The following PRDM13 variants were observed in gnomAD, a reference collection of about 807,000 sequenced individuals.
PRDM13 encodes PR/SET domain 13, also known as PR domain zinc finger protein 13.
A neutral mutation model predicts 36.4 loss-of-function variants in PRDM13; 15 were observed. The ratio of observed to expected loss-of-function variants is 0.41; its 90% CI spans 0.28 to 0.64. PRDM13 has a LOEUF of 0.64. PRDM13 is among the 30% of genes least tolerant of loss of function. PRDM13 has a pLI of 0.29. For missense variants in PRDM13, 1,044 were observed against 1,013.5 expected (o/e 1.03, Z -0.41); for synonymous variants, 531 against 467.7 (o/e 1.14, Z -1.75).
intron 2 of PRDM13, 149 bp downstream of exon 2, chr6:99,609,021 T>C: frequency 7.2e-7 from 1 of 1,395,588 alleles, no homozygotes; most frequent in Non-Finnish European, 9.6e-7. Context: ...AGGTAGTTAC[T>C]ATTGTTTTTC....
intron 3 of PRDM13, among the ~76,000 whole-genome samples, chr6:99,609,999 A>G (rs912727231): frequency 3.9e-5 from 6 of 152,244 alleles, no homozygotes; most frequent in Admixed American, 2.6e-4. Flanking sequence ...TACAAAGTCC[A>G]TGGACATTTC....
intron 3 of PRDM13, among the ~76,000 whole-genome samples, chr6:99,611,383 T>C (rs1383989639): frequency 6.6e-6 from 1 of 152,188 alleles, no homozygotes; most frequent in African/African-American, 2.4e-5. Flanking sequence ...AGAAGGAAGT[T>C]ATTTAAGACA....
chr6:99,611,686 A>G (rs1004230091), intron 3 of PRDM13, among the ~76,000 whole-genome samples: 2 of 152,178 alleles, frequency 1.3e-5, no homozygotes, highest in African/African-American at 4.8e-5. Context: ...TAAAGGGAAG[A>G]AGATCTGGAA....
chr6:99,612,911 A>C, intron 3 of PRDM13, 122 bp from the exon 4 acceptor site: 1 of 1,494,956 alleles, frequency 6.7e-7, no homozygotes, highest in African/African-American at 1.4e-5. Flanking sequence ...CCGAACTTAT[A>C]TTTCACCCTC....
intron 3 of PRDM13, among the ~76,000 whole-genome samples, chr6:99,609,825 C>T (rs1770006414): frequency 6.6e-6 from 1 of 151,964 alleles, no homozygotes; most frequent in South Asian, 2.1e-4. Context: ...GGTCAAGGTT[C>T]CAGTGAGCCG....
intron 2 of PRDM13, 23 bp from the exon 3 acceptor site, chr6:99,609,164 C>G: frequency 6.2e-7 from 1 of 1,612,054 alleles, no homozygotes; most frequent in Non-Finnish European, 8.5e-7. Context: ...TGACATTGAA[C>G]TGTTCTATTC....
Position 99,613,841 on chromosome 6 carries a change from C to G in PRDM13, c.1206C>G (p.Phe402Leu). Residue 402 changes from phenylalanine to leucine, a missense_variant, in exon 4 of 4, where the codon TTC (phenylalanine) becomes TTG (leucine). By Grantham distance (22) the Phe-to-Leu change is conservative. This residue lies in a region of PRDM13 where 921 missense variants were observed against 865.2 expected (regional missense o/e 1.06). Coordinates refer to ENST00000369215, the MANE Select transcript of PRDM13 (RefSeq NM_021620.4). This position sits in a 1 kb window ranked among gnomAD's most constrained non-coding sequence, Gnocchi z 6.1. ...TCCCCCCGGAAGAGGCGTCCGCCTTCAAGCACGTGGAGCGCGCCCCGCCCG... is the reference window on the plus strand; with the variant it reads ...TCCCCCCGGAAGAGGCGTCCGCCTTGAAGCACGTGGAGCGCGCCCCGCCCG... ...LSVPPEEASAFKHVERAPPAA... is the reference protein window; with the variant it reads ...LSVPPEEASALKHVERAPPAA... 1 of 1,511,620 alleles carries G rather than the reference C, an allele frequency of 6.6e-7. No individual in the cohort carries two copies. The highest frequency in any genetic ancestry group is 1.9e-4 in the Middle Eastern group (1 of 5,172). The allele number at this position is 1,511,620 out of a possible 1,614,324, so 93.6% of individuals were successfully genotyped here.
chr6:99,613,298 C>A lies in PRDM13; in HGVS notation c.663C>A (p.Cys221Ter). Residue 221 changes from cysteine (C) to a stop codon, truncating the protein, a stop_gained, in exon 4 of 4, where the codon TGC (cysteine) becomes TGA (stop). Transcript: ENST00000369215. LOFTEE classifies it low-confidence loss of function (END_TRUNC). This position sits in a 1 kb window ranked among gnomAD's most constrained non-coding sequence, Gnocchi z 6.1. ...HPLGPPPVQA[C>*]GAREGIKREA... is the part of the protein sequence containing the mutation. ...TGGGCCCGCCACCAGTTCAGGCCTGCGGTGCGCGGGAGGGCATCAAGCGCG... is the reference window on the plus strand; with the variant it reads ...TGGGCCCGCCACCAGTTCAGGCCTGAGGTGCGCGGGAGGGCATCAAGCGCG... The A allele has an allele frequency of 6.3e-7, 1 of 1,576,780 alleles. No homozygotes were observed. Among genetic ancestry groups the A allele is most frequent in the Non-Finnish European group, 8.6e-7 (1 of 1,163,510 alleles).
rs1770058753 is a variant in PRDM13, at chr6:99,613,247, G to A, written c.612G>A (p.Gln204=). The change falls in exon 4 of 4, where the codon CAG becomes CAA. Residue 204 remains glutamine, a synonymous_variant. Transcript: ENST00000369215. The surrounding 1 kb of genome is among the most constrained non-coding windows in gnomAD (Gnocchi z 6.1). ...CGCCCGATTTCGCCGCGCCTTCCCAGGCAGGAACTTTGCGACCCCACCCCC... is the reference window on the plus strand; with the variant it reads ...CGCCCGATTTCGCCGCGCCTTCCCAAGCAGGAACTTTGCGACCCCACCCCC... ...PPAPDFAAPS[Q]AGTLRPHPLG... is the part of the protein sequence containing the mutation. The A allele has an allele frequency of 6.2e-7, 1 of 1,610,092 alleles. No individual in the cohort carries two copies. The highest frequency in any genetic ancestry group is 8.5e-7 in the Non-Finnish European group (1 of 1,179,082).
rs1583616965 is a variant in PRDM13, at chr6:99,614,194, G to A, written c.1559G>A (p.Arg520Gln). 6.2e-7 allele frequency: 1 copy of A among 1,606,138 alleles called. No homozygotes were observed. The highest frequency in any genetic ancestry group is 1.3e-5 in the African/African-American group (1 of 74,972). Residue 520 changes from arginine to glutamine, a missense_variant, in exon 4 of 4, where the codon CGA becomes CAA. By Grantham distance (43) the Arg-to-Gln change is conservative (BLOSUM62 1). This residue lies in a region of PRDM13 where 921 missense variants were observed against 865.2 expected (regional missense o/e 1.06). Coordinates refer to ENST00000369215, the MANE Select transcript of PRDM13 (RefSeq NM_021620.4). The part of the protein sequence containing the change: ...AELGSLASID[R>Q]EIAMHNQQLS... ...CTGGGGTCGCTGGCCAGCATCGACC[G>A]AGAGATCGCCATGCACAATCAGCAG...
rs1212117161 is a variant in PRDM13 at position 99,607,131 on chromosome 6, C to T, written c.97C>T (p.Leu33=). 5 of 1,613,998 alleles carry T rather than the reference C, an allele frequency of 3.1e-6. No homozygotes were observed. The highest frequency in any genetic ancestry group is 3.4e-6 in the Non-Finnish European group (4 of 1,180,032). Residue 33 remains leucine (L), a synonymous_variant, in exon 1 of 4, where the codon CTG becomes TTG. Coordinates refer to ENST00000369215, the MANE Select transcript of PRDM13 (RefSeq NM_021620.4). The part of the protein sequence containing the change: ...RLGPVPGTFK[L]GKYLSDRREP... ...CGGACCGGTGCCTGGTACCTTCAAG[C>T]TGGGCAAGTACCTGTCAGACCGCAG...
At chr6:99,609,895 AAT>A (rs1491142328) in intron 3 of PRDM13, among the ~76,000 whole-genome samples, 3 of 131,146 alleles carry the variant, frequency 2.3e-5, no homozygotes, top group African/African-American at 1.0e-4. Flanking sequence ...AAAATAAATA[AAT>A]AAAAATAAAA....
At chr6:99,607,498 C>CGG (rs1769965491) in intron 1 of PRDM13, among the ~76,000 whole-genome samples, 1 of 152,162 alleles carries the variant, frequency 6.6e-6, no homozygotes, top group Non-Finnish European at 1.5e-5. Context: ...AGCCAGAAGC[C>CGG]CACCCCCGCA....
chr6:99,612,964 A>T, intron 3 of PRDM13, 69 bp from the exon 4 acceptor site: 1 of 1,583,132 alleles, frequency 6.3e-7, no homozygotes, highest in South Asian at 1.1e-5. Context: ...CCTTGGGTGC[A>T]CTGGCGCTTT....
rs777152469 is a variant in PRDM13, at chr6:99,614,515, A to G, written c.1880A>G (p.Asn627Ser). 3.1e-6 allele frequency: 5 copies of G among 1,613,126 alleles called. No homozygotes were observed. The South Asian group carries it at 3.3e-5, about 11-fold the overall frequency. The change falls in exon 4 of 4, where the codon AAT (asparagine) becomes AGT (serine). Residue 627 changes from asparagine (N) to serine (S), a missense_variant. Asn to Ser is a conservative substitution (Grantham distance 46). This residue lies in a region of PRDM13 where 115 missense variants were observed against 122.1 expected (regional missense o/e 0.94). Coordinates refer to ENST00000369215, the MANE Select transcript of PRDM13 (RefSeq NM_021620.4). ...NKHIRLHAEG[N>S]TPYRCEFCGK... is the part of the protein sequence containing the mutation. ...CACATCCGGCTGCACGCCGAGGGCA[A>G]TACGCCCTACCGCTGCGAGTTCTGC... is the stretch of plus-strand genomic sequence containing the variant.
chr6:99,613,273 T>G lies in PRDM13; in HGVS notation c.638T>G (p.Leu213Arg). 1 of 1,595,480 alleles carries G rather than the reference T, an allele frequency of 6.3e-7. No homozygotes were observed. The highest frequency in any genetic ancestry group is 8.5e-7 in the Non-Finnish European group (1 of 1,172,576). Residue 213 changes from leucine (L) to arginine (R), a missense_variant, in exon 4 of 4, where the codon CTG becomes CGG. Leu to Arg is a moderately radical substitution (Grantham distance 102, BLOSUM62 -2). Transcript: ENST00000369215. The surrounding 1 kb of genome is among the most constrained non-coding windows in gnomAD (Gnocchi z 6.1). ...SQAGTLRPHP[L>R]GPPPVQACGA... ...GCAGGAACTTTGCGACCCCACCCCCTGGGCCCGCCACCAGTTCAGGCCTGC... is the reference window on the plus strand; with the variant it reads ...GCAGGAACTTTGCGACCCCACCCCCGGGGCCCGCCACCAGTTCAGGCCTGC...
intron 3 of PRDM13, among the ~76,000 whole-genome samples, 179 bp downstream of exon 3, chr6:99,609,486 T>C (rs1770001827): frequency 6.6e-6 from 1 of 152,174 alleles, no homozygotes; most frequent in Non-Finnish European, 1.5e-5. Flanking sequence ...ATAACAGTGA[T>C]AGTAGCAATC....
In PRDM13 at chr6:99,613,488, C is replaced by T; in HGVS notation, c.853C>T (p.Leu285=). The T allele has an allele frequency of 2.0e-6, 3 of 1,529,758 alleles. No homozygotes were observed. In the South Asian group the frequency reaches 3.6e-5, roughly 18 times the overall value. 94.8% of individuals were successfully genotyped at this position (1,529,758 alleles called of 1,614,324 possible). A position where few individuals can be genotyped will look rare whatever the true frequency, so the allele number is the denominator to read the frequency against. Residue 285 remains leucine (L), a synonymous_variant, in exon 4 of 4, where the codon CTG becomes TTG. Coordinates refer to ENST00000369215, the MANE Select transcript of PRDM13 (RefSeq NM_021620.4). The surrounding 1 kb of genome is among the most constrained non-coding windows in gnomAD (Gnocchi z 6.1). ...CGGCTCCTCGGCGGGGGTCGGCAGC[C>T]TGGCTTTCTACCCCGGCGTGCGCTC... is the stretch of plus-strand genomic sequence containing the variant. The part of the protein sequence containing the change: ...VGGSSAGVGS[L]AFYPGVRSAF...
Position 99,613,712 on chromosome 6 carries a change from C to G in PRDM13, c.1077C>G (p.His359Gln). ...GTCACCACCATCACCACCACGCGCA[C>G]CACCACCACCATCCCAAGTGCCTGC... ...GAGHHHHHHA[H>Q]HHHHPKCLLA... The change falls in exon 4 of 4, where the codon CAC (histidine) becomes CAG (glutamine). Residue 359 changes from histidine (H) to glutamine (Q), a missense_variant. Coordinates refer to ENST00000369215, the MANE Select transcript of PRDM13 (RefSeq NM_021620.4). The surrounding 1 kb of genome is among the most constrained non-coding windows in gnomAD (Gnocchi z 6.1). The G allele has an allele frequency of 1.5e-5, 23 of 1,486,326 alleles. No homozygotes were observed. The highest frequency in any genetic ancestry group is 2.0e-5 in the Non-Finnish European group (22 of 1,126,318). 92.1% of individuals were successfully genotyped at this position (1,486,326 alleles called of 1,614,324 possible).
Sources: allele counts gnomAD v4.1 joint callset (sites outside exome capture counted in the v4.1 genomes callset), GRCh38; gene constraint gnomAD v4.1.1; regional missense constraint gnomAD v4.1.1; non-coding constraint Gnocchi (gnomAD v3.1); transcripts MANE v1.5; gene names NCBI Gene and HGNC (gene_info 2026-07-23, HGNC 2026-07-21).